Variants in NUF2 observed in about 807,000 individuals in gnomAD.
NUF2 encodes the protein NUF2 component of NDC80 kinetochore complex.
A neutral mutation model predicts 61.8 loss-of-function variants in NUF2; 34 were observed. The ratio of observed to expected loss-of-function variants is 0.55; its 90% CI spans 0.42 to 0.73. The LOEUF is 0.73. NUF2 is among the 30% of genes least tolerant of loss of function. NUF2 has a pLI of 0.00. For missense variants in NUF2, 445 were observed against 539.1 expected, an observed-to-expected ratio of 0.83 and a Z score of 1.73; for synonymous variants, 172 against 181.6, an observed-to-expected ratio of 0.95 and a Z score of 0.42.
In NUF2 at chr1:163,355,533, A is replaced by G; in HGVS notation, c.*64A>G. 15 of 1,468,824 alleles carry G rather than the reference A, an allele frequency of 1.0e-5. No homozygotes were observed. The highest frequency in any genetic ancestry group is 1.4e-5 in the Non-Finnish European group (15 of 1,082,774). The allele number at this position is 1,468,824 out of a possible 1,614,324, so 91.0% of individuals were successfully genotyped here. A position where few individuals can be genotyped will look rare whatever the true frequency, so the allele number is the denominator to read the frequency against. ...TCTTTTAATTTTCTATTTAGAAAGA[A>G]AAGTTGAAGCGAATGGAAGTATCAG... On this transcript the variant is annotated 3_prime_UTR_variant, in exon 14 of 14. Coordinates refer to ENST00000271452, the MANE Select transcript of NUF2 (RefSeq NM_145697.3).
chr1:163,328,026 T>A (rs1449614899), intron 3 of NUF2: 1 of 435,200 alleles, frequency 2.3e-6, no homozygotes, highest in Non-Finnish European at 4.0e-6. Context: ...ATTCCATTTT[T>A]AAAATTCATT....
chr1:163,339,491 G>A lies in NUF2; in HGVS notation c.606+14G>A. On this transcript the variant is annotated intron_variant, in intron 8 of 13. Coordinates refer to ENST00000271452, the MANE Select transcript of NUF2 (RefSeq NM_145697.3). ...CATCAAAAAACGGTATCTGTTGTGA[G>A]GCACCTTAAACTTTAAAAAACAAAA... The A allele has an allele frequency of 6.5e-7, 1 of 1,532,274 alleles. No homozygotes were observed. The highest frequency in any genetic ancestry group is 9.0e-7 in the Non-Finnish European group (1 of 1,106,792). The allele number at this position is 1,532,274 out of a possible 1,614,324, so 94.9% of individuals were successfully genotyped here.
intron 13 of NUF2, among the ~76,000 whole-genome samples, chr1:163,349,738 G>C (rs904051193): frequency 1.3e-5 from 2 of 152,026 alleles, no homozygotes; most frequent in Admixed American, 6.5e-5. Flanking sequence ...GAAAGATTAT[G>C]TTGTTAGCAC....
Position 163,332,908 on chromosome 1 carries a change from A to G in NUF2, c.338-3843A>G, listed in dbSNP as rs1650643129. On this transcript the variant is annotated intron_variant, in intron 5 of 13. Coordinates refer to ENST00000271452, the MANE Select transcript of NUF2 (RefSeq NM_145697.3). ...TGGGTGCTATTATTCAGCCCACCAC[A>G]TGGTCTACCCTTGTAAAAGTTCCAT... 2.0e-5 allele frequency among the ~76,000 whole-genome samples: 3 copies of G among 152,192 alleles called. No individual in the cohort carries two copies. The South Asian group carries it at 6.2e-4, about 31-fold the overall frequency.
chr1:163,332,719 C>G (rs902439722), intron 5 of NUF2, among the ~76,000 whole-genome samples: 6 of 152,122 alleles, frequency 3.9e-5, no homozygotes, highest in Non-Finnish European at 8.8e-5. Context: ...ATAGTCCAAT[C>G]TCTCTCTACT....
chr1:163,326,731 C>T (rs1410032575), intron 2 of NUF2, among the ~76,000 whole-genome samples: 4 of 152,068 alleles, frequency 2.6e-5, no homozygotes, highest in African/African-American at 4.8e-5. Context: ...GAAGTGATAA[C>T]GTAGTAAAAC....
At chr1:163,339,351 C>T in intron 7 of NUF2, 30 bp from the exon 8 acceptor site, 1 of 1,335,072 alleles carries the variant, frequency 7.5e-7, no homozygotes. Context: ...AAGTGAAGAG[C>T]AGTATTTTAA....
At chr1:163,324,746 A>T (rs1650354492) in intron 1 of NUF2, among the ~76,000 whole-genome samples, 1 of 152,124 alleles carries the variant, frequency 6.6e-6, no homozygotes. Context: ...TTGTGGTTAC[A>T]GGGAGAGATA....
intron 10 of NUF2, 84 bp downstream of exon 10, chr1:163,343,954 A>G (rs1651032159): frequency 1.2e-6 from 1 of 842,390 alleles, no homozygotes; most frequent in Admixed American, 3.5e-5. Context: ...TAATTTTTGG[A>G]TTTCTGAATT....
In NUF2 at chr1:163,355,501, C is replaced by G; in HGVS notation, c.*32C>G. On this transcript the variant is annotated 3_prime_UTR_variant, in exon 14 of 14. Coordinates refer to ENST00000271452, the MANE Select transcript of NUF2 (RefSeq NM_145697.3). ...AAATTACATGTCTTTTTGTAAATGG[C>G]TTGCCATCTTTTAATTTTCTATTTA... The G allele has an allele frequency of 6.4e-7, 1 of 1,553,306 alleles. No individual in the cohort carries two copies. Among genetic ancestry groups the G allele is most frequent in the Non-Finnish European group, 8.7e-7 (1 of 1,150,186 alleles).
Position 163,354,987 on chromosome 1 carries a change from T to G in NUF2, c.1261-348T>G, listed in dbSNP as rs964170201. 3.9e-5 allele frequency among the ~76,000 whole-genome samples: 6 copies of G among 152,184 alleles called. No homozygotes were observed. In the East Asian group the frequency reaches 1.2e-3, roughly 29 times the overall value. ...TAATCAGGGTCAAATGCAGAGAGTA[T>G]AGTTATCCACAGTAATGTAGTTATT... On this transcript the variant is annotated intron_variant, in intron 13 of 13. Coordinates refer to ENST00000271452, the MANE Select transcript of NUF2 (RefSeq NM_145697.3).
At chr1:163,345,568 A>T (rs1162670567) in intron 10 of NUF2, 110 bp from the exon 11 acceptor site, 3 of 914,402 alleles carry the variant, frequency 3.3e-6, no homozygotes, top group South Asian at 1.7e-5. Flanking sequence ...CCGTGCTCTT[A>T]AGGTTTCAGT....
chr1:163,328,752 A>T, intron 4 of NUF2, 94 bp from the exon 5 acceptor site: 1 of 801,644 alleles, frequency 1.2e-6, no homozygotes, highest in East Asian at 2.5e-5. Context: ...TATATCCAGA[A>T]ATCTCTTTCT....
At chr1:163,328,399 C>T (rs1445151924) in intron 4 of NUF2, 95 bp downstream of exon 4, 1 of 702,454 alleles carries the variant, frequency 1.4e-6, no homozygotes, top group Non-Finnish European at 2.4e-6. Context: ...TAAGGAATAC[C>T]TACTATGTTC....
rs1356984011 is a variant in NUF2 at position 163,351,556 on chromosome 1, G to T, written c.1260+2476G>T. On this transcript the variant is annotated intron_variant, in intron 13 of 13. Coordinates refer to ENST00000271452, the MANE Select transcript of NUF2 (RefSeq NM_145697.3). ...ATGCCTTTTTCTTCAAAATAAAAAT[G>T]TTTACTAGAACAAGGTCCTTTGCTG... Among the ~76,000 whole-genome samples the T allele has an allele frequency of 1.1e-4, 17 of 152,104 alleles. 1 individual carries two copies. Among genetic ancestry groups the T allele is most frequent in the Non-Finnish European group, 2.5e-4 (17 of 68,004 alleles).
chr1:163,348,906 G>A, intron 12 of NUF2, 39 bp from the exon 13 acceptor site: 1 of 1,589,872 alleles, frequency 6.3e-7, no homozygotes, highest in Non-Finnish European at 8.5e-7. Flanking sequence ...TTTAGTTGCT[G>A]AAGAGGATTA....
chr1:163,345,407 CATT>C (rs1209084048), intron 10 of NUF2, among the ~76,000 whole-genome samples: 1 of 152,028 alleles, frequency 6.6e-6, no homozygotes, highest in African/African-American at 2.4e-5. Flanking sequence ...TTAATATCAT[CATT>C]ATTAACTTTT....
chr1:163,332,290 A>G (rs757949565), intron 5 of NUF2, among the ~76,000 whole-genome samples: 19 of 151,752 alleles, frequency 1.3e-4, no homozygotes, highest in Non-Finnish European at 2.7e-4. Context: ...TTTTCCCACA[A>G]TTTTTTCTGT....
chr1:163,326,437 T>C (rs2101665381), intron 2 of NUF2, among the ~76,000 whole-genome samples: 1 of 151,364 alleles, frequency 6.6e-6, no homozygotes, highest in Non-Finnish European at 1.5e-5. Flanking sequence ...CATATTAAAG[T>C]ATATTAAATT....
Sources: gnomAD v4.1 joint callset for allele counts (sites outside exome capture counted in the v4.1 genomes callset) on GRCh38, gnomAD v4.1.1 for gene constraint, MANE v1.5 for transcripts, NCBI Gene and HGNC (gene_info 2026-07-23, HGNC 2026-07-21) for gene names.